The following OR3A2 variants were observed in gnomAD, a reference collection of about 807,000 sequenced individuals.
The protein encoded by OR3A2 is olfactory receptor 3A2.
For synonymous variants in OR3A2, 126 were observed against 159.3 expected (o/e 0.79, Z 1.57); for missense variants, 318 against 392.8 (o/e 0.81, Z 1.61).
chr17:3,365,838 C>T lies in OR3A2; in HGVS notation c.-179+17966G>A, dbSNP rs115009398. 1.7e-3 allele frequency among the ~76,000 whole-genome samples: 265 copies of T among 152,290 alleles called. 1 individual carries two copies. Among genetic ancestry groups the T allele is most frequent in the African/African-American group, 5.8e-3 (240 of 41,566 alleles). On this transcript the variant is annotated intron_variant, in intron 2 of 4. Transcript: ENST00000573491. The stretch of plus-strand genomic sequence containing the variant: ...ATTGCATGCAACAGAAATCAACTAG[C>T]TTGCTTATGCAAAAAGGAAAAATTT...
At chr17:3,339,278 G>T (rs186879410) in intron 2 of OR3A2, among the ~76,000 whole-genome samples, 14 of 152,232 alleles carry the variant, frequency 9.2e-5, no homozygotes, top group Admixed American at 7.2e-4. Context: ...CTGCCTGACT[G>T]CCCTAGCAAA....
intron 2 of OR3A2, among the ~76,000 whole-genome samples, chr17:3,367,286 T>C (rs1044876837): frequency 3.9e-5 from 6 of 152,132 alleles, no homozygotes; most frequent in Non-Finnish European, 8.8e-5. Flanking sequence ...TCGGTAGTGA[T>C]TTGCGACATT....
At chr17:3,282,231 G>A (rs191317157) in intron 1 of OR3A2, among the ~76,000 whole-genome samples, 4 of 152,138 alleles carry the variant, frequency 2.6e-5, no homozygotes, top group African/African-American at 9.6e-5. Flanking sequence ...TGGCTAACAC[G>A]GTGAAACCCC....
intron 2 of OR3A2, among the ~76,000 whole-genome samples, chr17:3,348,822 C>A (rs897804901): frequency 1.3e-5 from 2 of 152,200 alleles, no homozygotes; most frequent in Non-Finnish European, 2.9e-5. Flanking sequence ...ATCAGATTAA[C>A]AGCAGATCTC....
At chr17:3,282,029 C>G (rs1447703066) in intron 1 of OR3A2, among the ~76,000 whole-genome samples, 1 of 152,124 alleles carries the variant, frequency 6.6e-6, no homozygotes, top group Admixed American at 6.6e-5. Flanking sequence ...TTTCCCTCTT[C>G]ATTGTTTTTC....
In OR3A2 at chr17:3,347,219, G is replaced by C. The variant is rs575307016; in HGVS notation, c.-178-11093C>G. On this transcript the variant is annotated intron_variant, in intron 2 of 4. Transcript: ENST00000573491. ...ATGTTGAGTACCTTTTCATATGTCTGTTTGCCATTTGTATGTCTTCTTTTT... is the reference window on the plus strand; with the variant it reads ...ATGTTGAGTACCTTTTCATATGTCTCTTTGCCATTTGTATGTCTTCTTTTT... Among the ~76,000 whole-genome samples the C allele has an allele frequency of 7.9e-5, 11 of 139,130 alleles. No homozygotes were observed. The South Asian group carries it at 2.5e-3, about 32-fold the overall frequency. The allele number at this position is 139,130 out of a possible 152,430, so 91.3% of individuals were successfully genotyped here.
Position 3,372,843 on chromosome 17 carries a change from GAGA to G in OR3A2, c.-179+10958_-179+10960del, listed in dbSNP as rs1274636069. ...GAGGGAGAGGGAGAGGGAGGAGAAG[GAGA>G]AGGAGAGGGAGAGGGAGAGGGAGAG... On this transcript the variant is annotated intron_variant, in intron 2 of 4. Coordinates refer to the OR3A2 transcript ENST00000573491. Among the ~76,000 whole-genome samples the G allele has an allele frequency of 1.7e-3, 207 of 124,730 alleles. 1 individual carries two copies. Among genetic ancestry groups the G allele is most frequent in the African/African-American group, 5.8e-3 (175 of 30,128 alleles). The allele number at this position is 124,730 out of a possible 152,430, so 81.8% of individuals were successfully genotyped here. A position where few individuals can be genotyped will look rare whatever the true frequency, so the allele number is the denominator to read the frequency against.
chr17:3,336,831 T>G (rs986332770), intron 2 of OR3A2, among the ~76,000 whole-genome samples: 4 of 152,192 alleles, frequency 2.6e-5, no homozygotes, highest in Non-Finnish European at 5.9e-5. Context: ...CCAGCACACA[T>G]GATCACCATC....
In OR3A2 at chr17:3,296,137, A is replaced by G. The variant is rs9652831; in HGVS notation, c.-84-16984T>C. Among the ~76,000 whole-genome samples the G allele has an allele frequency of 3.6e-3, 550 of 152,336 alleles. 4 individuals are homozygous for G. The highest frequency in any genetic ancestry group is 0.013 in the African/African-American group (526 of 41,596). ...AACCAGAAATTCAGCAAACTTCAAA[A>G]GAACAAATAATACAAACAATGATAT... is the stretch of plus-strand genomic sequence containing the variant. On this transcript the variant is annotated intron_variant, in intron 3 of 4. Coordinates refer to the OR3A2 transcript ENST00000573491.
chr17:3,322,313 C>T (rs1567554172), intron 3 of OR3A2, among the ~76,000 whole-genome samples: 1 of 151,848 alleles, frequency 6.6e-6, no homozygotes, highest in African/African-American at 2.4e-5. Context: ...TTGATCTTTT[C>T]AAAAAACCAC....
intron 2 of OR3A2, among the ~76,000 whole-genome samples, chr17:3,350,124 T>C (rs990770346): frequency 1.4e-4 from 21 of 150,934 alleles, no homozygotes; most frequent in Non-Finnish European, 2.7e-4. Flanking sequence ...TTAAAAGAAC[T>C]AGAAAAGCAA....
At chr17:3,360,959 T>A (rs569387307) in intron 2 of OR3A2, among the ~76,000 whole-genome samples, 3 of 151,700 alleles carry the variant, frequency 2.0e-5, no homozygotes, top group South Asian at 4.1e-4. Context: ...GTGAAGAAAG[T>A]CATTGGTAGC....
intron 2 of OR3A2, among the ~76,000 whole-genome samples, chr17:3,355,909 T>C (rs2049462675): frequency 6.6e-6 from 1 of 151,400 alleles, no homozygotes; most frequent in South Asian, 2.1e-4. Flanking sequence ...CTTTCCTTCC[T>C]TCCTGTCTTT....
rs145231546 is a variant in OR3A2, at chr17:3,365,450, G to T, written c.-179+18354C>A. ...CACAGCACTGAGTTTGTCACCTTTT[G>T]CCCCTTACAATCAGTGCTCTGTTTC... On this transcript the variant is annotated intron_variant, in intron 2 of 4. Coordinates refer to the OR3A2 transcript ENST00000573491. Among the ~76,000 whole-genome samples the T allele has an allele frequency of 5.1e-3, 774 of 152,328 alleles. 3 individuals are homozygous for T. Among genetic ancestry groups the T allele is most frequent in the African/African-American group, 0.018 (738 of 41,566 alleles).
chr17:3,373,645 A>G (rs1243918958), intron 2 of OR3A2, among the ~76,000 whole-genome samples: 1 of 152,168 alleles, frequency 6.6e-6, no homozygotes, highest in East Asian at 1.9e-4. Context: ...TTTGCATGGA[A>G]TATTTTTTTC....
chr17:3,306,942 G>T (rs535114538), intron 3 of OR3A2, among the ~76,000 whole-genome samples: 1 of 152,272 alleles, frequency 6.6e-6, no homozygotes, highest in South Asian at 2.1e-4. Context: ...CCACAACAAG[G>T]CATGTGGTTC....
intron 2 of OR3A2, among the ~76,000 whole-genome samples, chr17:3,373,365 A>G (rs2049649980): frequency 6.6e-6 from 1 of 152,144 alleles, no homozygotes; most frequent in African/African-American, 2.4e-5. Flanking sequence ...TGTCTTGATG[A>G]CCTGTCTAGT....
rs971945249 is a variant in OR3A2, at chr17:3,279,094, G to C, written c.-6-171C>G. 141 of 1,103,712 alleles carry C rather than the reference G, an allele frequency of 1.3e-4. 1 individual carries two copies. The highest frequency in any genetic ancestry group is 1.8e-4 in the Non-Finnish European group (137 of 780,792). 68.4% of individuals were successfully genotyped at this position (1,103,712 alleles called of 1,614,324 possible). ...CCTTTACCTTGCTCTTGGTTGACAT[G>C]CCCAATGACACCACCACCTTGTCCT... On this transcript the variant is annotated intron_variant, in intron 1 of 1. Transcript: ENST00000642052.
At chr17:3,310,668 A>G (rs9906179) in intron 3 of OR3A2, 69,331 of 543,038 alleles carry the variant, frequency 0.13, 7,340 homozygotes, top group African/African-American at 0.41. Flanking sequence ...CTTGCTGACC[A>G]TCATGGCCTA....
Sources: gnomAD v4.1 joint callset for allele counts (sites outside exome capture counted in the v4.1 genomes callset) on GRCh38, gnomAD v4.1.1 for gene constraint, MANE v1.5 for transcripts, NCBI Gene and HGNC (gene_info 2026-07-23, HGNC 2026-07-21) for gene names.